Variants in TCF12 observed in about 807,000 individuals in gnomAD.
TCF12 encodes transcription factor 12.
In TCF12, 45 loss-of-function variants were observed where a neutral mutation model predicts 86.0. The ratio of observed to expected loss-of-function variants is 0.52; its 90% confidence interval spans 0.41 to 0.67. The LOEUF (loss-of-function observed/expected upper bound fraction) is 0.67, where lower values mean the gene tolerates loss of function less well. TCF12 is among the 30% of genes least tolerant of loss of function. The pLI is 0.00. For missense variants in TCF12, 881 were observed against 859.9 expected (o/e 1.02, Z -0.31); for synonymous variants, 330 against 299.6 (o/e 1.10, Z -1.05).
At chr15:57,216,881 C>G (rs1381267730) in intron 8 of TCF12, among the ~76,000 whole-genome samples, 1 of 152,010 alleles carries the variant, frequency 6.6e-6, no homozygotes, top group Non-Finnish European at 1.5e-5. Context: ...CCATAGCATA[C>G]AAGTAGAATA....
chr15:57,023,750 A>G (rs2065641038), intron 3 of TCF12, among the ~76,000 whole-genome samples: 1 of 152,186 alleles, frequency 6.6e-6, no homozygotes, highest in Non-Finnish European at 1.5e-5. Context: ...TTTCTTTGCA[A>G]ATACATTAGT....
chr15:56,951,061 G>T (rs1457408806), intron 3 of TCF12, among the ~76,000 whole-genome samples: 1 of 151,956 alleles, frequency 6.6e-6, no homozygotes, highest in Non-Finnish European at 1.5e-5. Flanking sequence ...CGGCCATTAT[G>T]ACCATTCTTA....
intron 3 of TCF12, among the ~76,000 whole-genome samples, chr15:57,008,314 A>T (rs1225279389): frequency 2.6e-5 from 4 of 151,892 alleles, no homozygotes; most frequent in Admixed American, 6.6e-5. Flanking sequence ...TTAATTTTTT[A>T]AAAAATTGTT....
chr15:56,977,515 A>G (rs1433677399), intron 3 of TCF12, among the ~76,000 whole-genome samples: 1 of 152,088 alleles, frequency 6.6e-6, no homozygotes, highest in Non-Finnish European at 1.5e-5. Flanking sequence ...GAACGGAATT[A>G]GAAAACAGTT....
chr15:57,179,850 A>G (rs1182458908), intron 6 of TCF12, among the ~76,000 whole-genome samples: 1 of 151,998 alleles, frequency 6.6e-6, no homozygotes, highest in Non-Finnish European at 1.5e-5. Context: ...ATGACTTGGA[A>G]CTATTCAGGT....
rs1262579488 is a variant in TCF12, at chr15:57,275,581, C to T, written c.1978+2319C>T. 2.0e-5 allele frequency among the ~76,000 whole-genome samples: 3 copies of T among 152,016 alleles called. 1 individual carries two copies. Among genetic ancestry groups the T allele is most frequent in the Non-Finnish European group, 4.4e-5 (3 of 68,010 alleles). On this transcript the variant is annotated intron_variant, in intron 19 of 20. Transcript: ENST00000333725. ...TTTTGTATAGCCACTGTCTTTTCCT[C>T]GATTTACCTACAGTTTTGAGTTATT...
At chr15:57,250,818 C>T (rs2060076814) in intron 13 of TCF12, among the ~76,000 whole-genome samples, 1 of 151,082 alleles carries the variant, frequency 6.6e-6, no homozygotes, top group South Asian at 2.1e-4. Context: ...ATCGCTTGAA[C>T]TCAGGAGGTG....
At chr15:57,054,167 T>C (rs1193596961) in intron 3 of TCF12, among the ~76,000 whole-genome samples, 1 of 152,188 alleles carries the variant, frequency 6.6e-6, no homozygotes, top group Non-Finnish European at 1.5e-5. Flanking sequence ...TAGGAATTAA[T>C]GGTCTAAGAC....
intron 8 of TCF12, among the ~76,000 whole-genome samples, chr15:57,230,831 G>A (rs1240552906): frequency 6.6e-6 from 1 of 151,942 alleles, no homozygotes; most frequent in Non-Finnish European, 1.5e-5. Context: ...TTTGAATCCT[G>A]AGCCTATGTG....
chr15:57,084,149 C>T (rs1351515171), intron 4 of TCF12, among the ~76,000 whole-genome samples: 1 of 151,978 alleles, frequency 6.6e-6, no homozygotes, highest in South Asian at 2.1e-4. Flanking sequence ...TTACAAATAT[C>T]AGGAAATAAA....
intron 8 of TCF12, among the ~76,000 whole-genome samples, chr15:57,216,407 C>G (rs76710044): frequency 2.0e-5 from 3 of 151,748 alleles, no homozygotes; most frequent in Admixed American, 2.0e-4. Context: ...GATTATGTAG[C>G]GTTGTGGGTG....
At position 57,022,741 on chromosome 15, in the gene TCF12, C is replaced by T. The variant is rs577774110; in HGVS notation, c.149-41009C>T. Among the ~76,000 whole-genome samples the T allele has an allele frequency of 2.4e-4, 36 of 152,238 alleles. 1 individual carries two copies. In the South Asian group the frequency reaches 7.5e-3, roughly 32 times the overall value. ...CTCTCCAGCATCTGTTGTTTCCTGA[C>T]TTTTTAATGATTACCATTCTAATTG... On this transcript the variant is annotated intron_variant, in intron 3 of 20. Transcript: ENST00000333725.
intron 3 of TCF12, among the ~76,000 whole-genome samples, chr15:56,977,480 A>G (rs867502442): frequency 2.2e-4 from 34 of 152,168 alleles, no homozygotes; most frequent in Non-Finnish European, 1.6e-4. Flanking sequence ...CTGTGAGCCA[A>G]GATCATGCCA....
intron 5 of TCF12, among the ~76,000 whole-genome samples, chr15:57,161,165 T>C (rs2054481516): frequency 6.6e-6 from 1 of 152,224 alleles, no homozygotes; most frequent in African/African-American, 2.4e-5. Context: ...CCACCTTCAC[T>C]GTGACTGCCG....
rs1453580904 is a variant in TCF12 at position 57,091,906 on chromosome 15, C to A, written c.325+15C>A. On this transcript the variant is annotated intron_variant, in intron 5 of 20. Coordinates refer to ENST00000333725, the MANE Select transcript of TCF12 (RefSeq NM_207037.2). ...AAATCTGATGGGTAAGTTGGTAATT[C>A]TCTGCAAGTAGTCTTCTCAAAGCTT... 2 of 1,600,570 alleles carry A rather than the reference C, an allele frequency of 1.2e-6. No individual in the cohort carries two copies. Among genetic ancestry groups the A allele is most frequent in the Non-Finnish European group, 1.7e-6 (2 of 1,167,916 alleles).
At chr15:57,038,521 A>G (rs1385970775) in intron 3 of TCF12, among the ~76,000 whole-genome samples, 13 of 152,196 alleles carry the variant, frequency 8.5e-5, no homozygotes, top group Admixed American at 8.5e-4. Flanking sequence ...ATTTCGTGAT[A>G]TCACAGATTG....
At chr15:57,290,292 G>A (rs1053354388), downstream of TCF12, among the ~76,000 whole-genome samples, 16 of 147,850 alleles carry the variant, frequency 1.1e-4, no homozygotes, top group African/African-American at 3.0e-4. Context: ...TCAGTGAGCT[G>A]AGGTCACGCC....
At chr15:57,099,290 G>GT (rs2049558544) in intron 5 of TCF12, among the ~76,000 whole-genome samples, 1 of 152,118 alleles carries the variant, frequency 6.6e-6, no homozygotes. Flanking sequence ...AGAGACCGAA[G>GT]TAATACTAAC....
chr15:57,037,882 C>A (rs1280305605), intron 3 of TCF12, among the ~76,000 whole-genome samples: 1 of 152,116 alleles, frequency 6.6e-6, no homozygotes, highest in East Asian at 1.9e-4. Context: ...AAAACACATA[C>A]GTTTATTGAA....
Sources: gnomAD v4.1 joint callset for allele counts (sites outside exome capture counted in the v4.1 genomes callset) on GRCh38, gnomAD v4.1.1 for gene constraint, MANE v1.5 for transcripts, NCBI Gene and HGNC (gene_info 2026-07-23, HGNC 2026-07-21) for gene names.